The following PIEZO2 variants were observed in gnomAD, a reference collection of about 807,000 sequenced individuals.
PIEZO2 encodes the protein piezo type mechanosensitive ion channel component 2.
Under a neutral mutation model 337.3 loss-of-function variants are expected in PIEZO2, and 172 were observed. That is an observed-to-expected ratio of 0.51 (90% CI 0.45 to 0.58). The LOEUF is 0.58. PIEZO2 is among the 20% of genes least tolerant of loss of function. PIEZO2 has a pLI of 0.00. For synonymous variants in PIEZO2, 1,251 were observed against 1,228.5 expected (o/e 1.02, Z -0.38); for missense variants, 3,028 against 3,391.3 (o/e 0.89, Z 2.66).
Position 10,672,342 on chromosome 18 carries a change from C to T in PIEZO2, c.8345+348G>A, listed in dbSNP as rs73391362. On this transcript the variant is annotated intron_variant, in intron 55 of 55. Coordinates refer to ENST00000674853, the MANE Select transcript of PIEZO2 (RefSeq NM_001378183.1). The surrounding 1 kb of genome is among the most constrained non-coding windows in gnomAD (Gnocchi z 4.7). ...TTTCAGAAGTTCAAAAGCAGGATGT[C>T]TAATAGATCCATCTGCTAAGGATTA... 7.2e-5 allele frequency among the ~76,000 whole-genome samples: 11 copies of T among 152,078 alleles called. No individual in the cohort carries two copies. Among genetic ancestry groups the T allele is most frequent in the African/African-American group, 2.7e-4 (11 of 41,400 alleles).
At chr18:10,720,327 A>AAT (rs1168793367) in intron 36 of PIEZO2, among the ~76,000 whole-genome samples, 1 of 133,840 alleles carries the variant, frequency 7.5e-6, no homozygotes, top group South Asian at 2.4e-4. Context: ...ATATATATAT[A>AAT]ATATATATAT....
At chr18:10,920,889 C>G (rs2031344482) in intron 3 of PIEZO2, among the ~76,000 whole-genome samples, 1 of 152,006 alleles carries the variant, frequency 6.6e-6, no homozygotes, top group South Asian at 2.1e-4. Flanking sequence ...ACTGTCTCTA[C>G]TAAAAATACA....
chr18:10,791,162 A>G, intron 14 of PIEZO2, 39 bp downstream of exon 14: 1 of 1,485,322 alleles, frequency 6.7e-7, no homozygotes, highest in Non-Finnish European at 8.9e-7. Flanking sequence ...AATTTTGCTG[A>G]GCACCAAACT....
Position 10,783,041 on chromosome 18 carries a change from A to T in PIEZO2, c.2492+1743T>A, listed in dbSNP as rs2144101855. On this transcript the variant is annotated intron_variant, in intron 17 of 55. Coordinates refer to ENST00000674853, the MANE Select transcript of PIEZO2 (RefSeq NM_001378183.1). The surrounding 1 kb of genome is among the most constrained non-coding windows in gnomAD (Gnocchi z 4.3). ...TGACAGAAGACTCAGACACATCCAC[A>T]TTAAGAAAAATGGCAAGAAAAAGGT... Among the ~76,000 whole-genome samples, 1 of 152,284 alleles carries T rather than the reference A, an allele frequency of 6.6e-6. No individual in the cohort carries two copies. Among genetic ancestry groups the T allele is most frequent in the Middle Eastern group, 3.4e-3 (1 of 294 alleles).
chr18:11,122,379 C>T (rs990938707), intron 1 of PIEZO2, among the ~76,000 whole-genome samples: 1 of 152,168 alleles, frequency 6.6e-6, no homozygotes, highest in African/African-American at 2.4e-5. Flanking sequence ...TTTGTAAGCT[C>T]CTCAGCAGTT....
At position 10,750,196 on chromosome 18, in the gene PIEZO2, C is replaced by CA. The variant is rs1408115316; in HGVS notation, c.4168-10dup. The CA allele has an allele frequency of 5.9e-6, 9 of 1,527,976 alleles. No homozygotes were observed. The South Asian group carries it at 1.1e-4, about 18-fold the overall frequency. The allele number at this position is 1,527,976 out of a possible 1,614,324, so 94.7% of individuals were successfully genotyped here. On this transcript the variant is annotated splice_polypyrimidine_tract_variant and intron_variant, in intron 28 of 55. Coordinates refer to ENST00000674853, the MANE Select transcript of PIEZO2 (RefSeq NM_001378183.1). The surrounding 1 kb of genome is among the most constrained non-coding windows in gnomAD (Gnocchi z 4.1). ...TATCCACATGCTCCTATCTGAAAAA[C>CA]AAAAGAGGGGGATAATCCTGAAGCT...
intron 4 of PIEZO2, among the ~76,000 whole-genome samples, chr18:10,885,156 G>A (rs556628282): frequency 6.6e-6 from 1 of 152,256 alleles, no homozygotes; most frequent in East Asian, 1.9e-4. Context: ...CGGGCGTGGT[G>A]GCTCACGCCT....
rs2037959481 is a variant in PIEZO2 at position 10,758,066 on chromosome 18, C to T, written c.3826G>A (p.Val1276Met). 1 of 1,537,448 alleles carries T rather than the reference C, an allele frequency of 6.5e-7. No homozygotes were observed. The highest frequency in any genetic ancestry group is 1.2e-5 in the South Asian group (1 of 84,070). The change falls in exon 27 of 56, where the codon GTG becomes ATG. Residue 1276 changes from valine to methionine, a missense_variant. Val to Met is a conservative substitution (Grantham distance 21, BLOSUM62 1). Around this residue, in one of 5 missense-constraint regions of PIEZO2, gnomAD observed 1,925 missense variants for 2,051.9 expected, o/e 0.94. Transcript: ENST00000674853. ...QIFEDENKAA[V>M]RIMAGDNVEI... ...ACATTGTCACCTGCCATGATTCGCA[C>T]TGCAGCCTTGTTCTCATCCTCAAAA...
rs2040729434 is a variant in PIEZO2, at chr18:10,828,055, T to C, written c.918-20781A>G. Among the ~76,000 whole-genome samples the C allele has an allele frequency of 6.6e-6, 1 of 152,070 alleles. No homozygotes were observed. Among genetic ancestry groups the C allele is most frequent in the Non-Finnish European group, 1.5e-5 (1 of 67,978 alleles). On this transcript the variant is annotated intron_variant, in intron 7 of 55. Coordinates refer to ENST00000674853, the MANE Select transcript of PIEZO2 (RefSeq NM_001378183.1). The surrounding 1 kb of genome is among the most constrained non-coding windows in gnomAD (Gnocchi z 4.1). ...AAAAGATGAATAAACATATAAACTA[T>C]TGCAACCCCAAGGCAAACTTAGCAT... is the stretch of plus-strand genomic sequence containing the variant.
chr18:11,017,662 C>A (rs2036165267), intron 2 of PIEZO2, among the ~76,000 whole-genome samples: 1 of 152,108 alleles, frequency 6.6e-6, no homozygotes, highest in African/African-American at 2.4e-5. Flanking sequence ...AAATCGTATG[C>A]CAAAAACAGG....
Position 10,828,535 on chromosome 18 carries a change from T to A in PIEZO2, c.918-21261A>T, listed in dbSNP as rs2040747918. 6.6e-6 allele frequency among the ~76,000 whole-genome samples: 1 copy of A among 152,154 alleles called. No homozygotes were observed. The highest frequency in any genetic ancestry group is 2.4e-5 in the African/African-American group (1 of 41,434). ...CTGAAAGTAGAAGGTAAAATATACATAAAGGTGTGAGTTCTAGGTGGATCA... is the reference window on the plus strand; with the variant it reads ...CTGAAAGTAGAAGGTAAAATATACAAAAAGGTGTGAGTTCTAGGTGGATCA... On this transcript the variant is annotated intron_variant, in intron 7 of 55. Coordinates refer to ENST00000674853, the MANE Select transcript of PIEZO2 (RefSeq NM_001378183.1). The surrounding 1 kb of genome is among the most constrained non-coding windows in gnomAD (Gnocchi z 4.1).
chr18:10,976,757 G>C (rs537701402), intron 3 of PIEZO2, among the ~76,000 whole-genome samples: 13 of 152,254 alleles, frequency 8.5e-5, no homozygotes, highest in Non-Finnish European at 1.6e-4. Context: ...AAATATCAAA[G>C]CCCATATATT....
At chr18:10,990,409 A>C (rs552967601) in intron 2 of PIEZO2, among the ~76,000 whole-genome samples, 4 of 152,270 alleles carry the variant, frequency 2.6e-5, no homozygotes, top group Non-Finnish European at 5.9e-5. Flanking sequence ...TATTCTGTGA[A>C]TAGAACAGTA....
intron 26 of PIEZO2, among the ~76,000 whole-genome samples, chr18:10,758,454 G>C (rs2037978424): frequency 6.6e-6 from 1 of 152,104 alleles, no homozygotes; most frequent in African/African-American, 2.4e-5. Flanking sequence ...ATTTTTGTGT[G>C]TGTGTGTGTG....
chr18:10,881,271 G>A (rs556731708), intron 4 of PIEZO2, among the ~76,000 whole-genome samples: 7 of 152,076 alleles, frequency 4.6e-5, no homozygotes, highest in Non-Finnish European at 8.8e-5. Context: ...ATTGGTGGCC[G>A]GATTTGTGTG....
At chr18:10,987,458 G>A (rs1019455619) in intron 2 of PIEZO2, among the ~76,000 whole-genome samples, 1 of 152,058 alleles carries the variant, frequency 6.6e-6, no homozygotes, top group Non-Finnish European at 1.5e-5. Flanking sequence ...ACTCAGTGGG[G>A]AATGGATAGT....
At chr18:10,967,049 A>C in intron 3 of PIEZO2, among the ~76,000 whole-genome samples, 1 of 116,822 alleles carries the variant, frequency 8.6e-6, no homozygotes, top group Admixed American at 1.1e-4. Context: ...ATGGAGTTTC[A>C]CTGTGTCACC....
chr18:11,085,007 C>A (rs2038866748), intron 1 of PIEZO2, among the ~76,000 whole-genome samples: 1 of 152,240 alleles, frequency 6.6e-6, no homozygotes, highest in Non-Finnish European at 1.5e-5. Context: ...TGGAGCAGAC[C>A]TGTGAAAAAC....
intron 7 of PIEZO2, among the ~76,000 whole-genome samples, chr18:10,827,911 C>G (rs2040724285): frequency 6.6e-6 from 1 of 152,134 alleles, no homozygotes; most frequent in African/African-American, 2.4e-5. Flanking sequence ...TCTTCAATGA[C>G]ATCTAACAGA....
Sources: gnomAD v4.1 joint callset for allele counts (sites outside exome capture counted in the v4.1 genomes callset) on GRCh38, gnomAD v4.1.1 for gene constraint, gnomAD v4.1.1 regional missense constraint, Gnocchi (gnomAD v3.1) non-coding constraint, MANE v1.5 for transcripts, NCBI Gene and HGNC (gene_info 2026-07-23, HGNC 2026-07-21) for gene names.